The following PTER variants were observed in gnomAD, a reference collection of about 807,000 sequenced individuals.
The protein encoded by PTER is phosphotriesterase related, also known as N-acetyltaurine hydrolase.
In PTER, 38 loss-of-function variants were observed where a neutral mutation model predicts 29.6. The observed-to-expected ratio is 1.28, with a 90% CI of 0.99 to 1.68. The LOEUF (loss-of-function observed/expected upper bound fraction) is 1.68. PTER is among the 40% of genes most tolerant of loss of function. PTER has a pLI of 0.00. For missense variants in PTER, 482 were observed against 427.8 expected (o/e 1.13, Z -1.12); for synonymous variants, 172 against 154.5 (o/e 1.11, Z -0.84).
At position 16,486,291 on chromosome 10, in the gene PTER, G is replaced by A; in HGVS notation, c.433-61G>A. On this transcript the variant is annotated intron_variant, in intron 2 of 4. Transcript: ENST00000535784. ...TAAATAAATTCATTCACATACTGTG[G>A]TGGATCTATTTTGATAAATTTCACA... 5 of 1,422,930 alleles carry A rather than the reference G, an allele frequency of 3.5e-6. No individual in the cohort carries two copies. The South Asian group carries it at 5.2e-5, about 15-fold the overall frequency. The allele number at this position is 1,422,930 out of a possible 1,614,324, so 88.1% of individuals were successfully genotyped here.
chr10:16,452,493 G>C (rs1342969869), intron 1 of PTER, among the ~76,000 whole-genome samples: 1 of 151,646 alleles, frequency 6.6e-6, no homozygotes, highest in African/African-American at 2.4e-5. Context: ...GTAGAGATGG[G>C]GTTTTACTAT....
chr10:16,473,214 T>C (rs7905869), intron 1 of PTER, among the ~76,000 whole-genome samples: 45,959 of 151,740 alleles, frequency 0.3, 7,127 homozygotes, highest in Middle Eastern at 0.46. Flanking sequence ...TATGTAACTA[T>C]TGGGAATAAA....
intron 1 of PTER, among the ~76,000 whole-genome samples, chr10:16,473,517 C>T (rs1835132200): frequency 1.3e-5 from 1 of 77,472 alleles, no homozygotes; most frequent in Admixed American, 1.8e-4. Context: ...GAGACTCCAT[C>T]CGAAAAAAAA....
chr10:16,492,450 G>A (rs542911312), intron 3 of PTER, among the ~76,000 whole-genome samples: 23 of 152,242 alleles, frequency 1.5e-4, no homozygotes, highest in African/African-American at 5.5e-4. Flanking sequence ...GTCTAATACA[G>A]GCTAGATGCG....
At chr10:16,464,503 G>A (rs893514552) in intron 1 of PTER, among the ~76,000 whole-genome samples, 26 of 152,232 alleles carry the variant, frequency 1.7e-4, no homozygotes, top group African/African-American at 5.3e-4. Context: ...CCTGGTCTCT[G>A]GTTTCTCCAG....
intron 1 of PTER, among the ~76,000 whole-genome samples, chr10:16,454,260 A>G (rs920537207): frequency 1.3e-5 from 2 of 152,144 alleles, no homozygotes; most frequent in Non-Finnish European, 1.5e-5. Context: ...ATACTTTATA[A>G]CTACTATTAT....
At chr10:16,480,094 T>C in intron 1 of PTER, among the ~76,000 whole-genome samples, 1 of 147,790 alleles carries the variant, frequency 6.8e-6, no homozygotes, top group South Asian at 2.2e-4. Context: ...AAACAAGGGA[T>C]GTATGATAAG....
At chr10:16,457,819 G>A (rs1311576426) in intron 1 of PTER, among the ~76,000 whole-genome samples, 1 of 151,486 alleles carries the variant, frequency 6.6e-6, no homozygotes, top group Non-Finnish European at 1.5e-5. Context: ...CATGTTGGCC[G>A]CGCTAGTCTC....
intron 1 of PTER, among the ~76,000 whole-genome samples, chr10:16,438,352 A>G (rs1342586095): frequency 6.6e-6 from 1 of 151,850 alleles, no homozygotes; most frequent in Non-Finnish European, 1.5e-5. Context: ...GCTGGAGTGC[A>G]GTGGTGCTAT....
Position 16,511,159 on chromosome 10 carries a change from C to T in PTER, c.953C>T (p.Thr318Ile). The change falls in exon 5 of 5, where the codon ACC becomes ATC. Residue 318 changes from threonine (T) to isoleucine (I), a missense_variant. Coordinates refer to ENST00000535784, the MANE Select transcript of PTER (RefSeq NM_001261836.2). ...YGGHGYSHILTNVVPKMLLRG... is the reference protein window; with the variant it reads ...YGGHGYSHILINVVPKMLLRG... ...GGTCACGGCTATTCTCATATACTCA[C>T]CAATGTTGTTCCTAAAATGTTGCTG... 1 of 1,614,072 alleles carries T rather than the reference C, an allele frequency of 6.2e-7. No individual in the cohort carries two copies. The highest frequency in any genetic ancestry group is 8.5e-7 in the Non-Finnish European group (1 of 1,179,976).
intron 1 of PTER, among the ~76,000 whole-genome samples, chr10:16,460,921 T>C (rs976009304): frequency 1.1e-4 from 16 of 152,280 alleles, no homozygotes; most frequent in African/African-American, 3.9e-4. Context: ...TTCACCATGT[T>C]GGCCAGGCTG....
chr10:16,454,992 G>A (rs1450802760), intron 1 of PTER, among the ~76,000 whole-genome samples: 1 of 152,002 alleles, frequency 6.6e-6, no homozygotes, highest in Non-Finnish European at 1.5e-5. Flanking sequence ...ACTTTGAGGA[G>A]CTGAGGAAGG....
chr10:16,447,736 A>G (rs926181605), intron 1 of PTER, among the ~76,000 whole-genome samples: 3 of 152,156 alleles, frequency 2.0e-5, no homozygotes, highest in Admixed American at 2.0e-4. Context: ...ATATGCCTGC[A>G]TATATTCATG....
At chr10:16,516,745 C>T (rs555056531), downstream of PTER, among the ~76,000 whole-genome samples, 1 of 152,268 alleles carries the variant, frequency 6.6e-6, no homozygotes, top group African/African-American at 2.4e-5. Context: ...GTGAACGTCA[C>T]CATTTTTATT....
chr10:16,479,850 C>T (rs146563638), intron 1 of PTER, among the ~76,000 whole-genome samples: 7 of 151,932 alleles, frequency 4.6e-5, no homozygotes, highest in African/African-American at 7.2e-5. Context: ...CATTCGTACA[C>T]GGCTGCCAGG....
At chr10:16,507,769 T>G (rs1836632438) in intron 4 of PTER, among the ~76,000 whole-genome samples, 1 of 152,252 alleles carries the variant, frequency 6.6e-6, no homozygotes, top group African/African-American at 2.4e-5. Context: ...ACCAATGAAG[T>G]TCTGTCTTTT....
At chr10:16,465,003 G>A (rs552324843) in intron 1 of PTER, among the ~76,000 whole-genome samples, 6 of 152,222 alleles carry the variant, frequency 3.9e-5, no homozygotes, top group Non-Finnish European at 7.4e-5. Context: ...ATCAGATCTC[G>A]TGAGACTTAA....
At chr10:16,515,987 T>C (rs1356621298), downstream of PTER, among the ~76,000 whole-genome samples, 1 of 152,154 alleles carries the variant, frequency 6.6e-6, no homozygotes, top group African/African-American at 2.4e-5. Flanking sequence ...AAAATTTAAA[T>C]GATGAGTTTT....
Position 16,469,049 on chromosome 10 carries a change from C to T in PTER, c.-48-15288C>T, listed in dbSNP as rs114928411. On this transcript the variant is annotated intron_variant, in intron 1 of 4. Coordinates refer to ENST00000535784, the MANE Select transcript of PTER (RefSeq NM_001261836.2). ...GTGAAATTGAGGTGCTATGAGAGTA[C>T]CTAGAATTGACATCTTACCTGTATT... Among the ~76,000 whole-genome samples the T allele has an allele frequency of 8.3e-3, 1,260 of 151,962 alleles. 15 individuals carry two copies. The highest frequency in any genetic ancestry group is 0.028 in the African/African-American group (1,155 of 41,442).
Sources: gnomAD v4.1 joint callset for allele counts (sites outside exome capture counted in the v4.1 genomes callset) on GRCh38, gnomAD v4.1.1 for gene constraint, MANE v1.5 for transcripts, NCBI Gene and HGNC (gene_info 2026-07-23, HGNC 2026-07-21) for gene names.